The following LRRC4C variants were observed in gnomAD, a reference collection of about 807,000 sequenced individuals.
LRRC4C encodes leucine-rich repeat-containing protein 4C.
LRRC4C carries 5 observed loss-of-function variants against 33.6 expected under a neutral mutation model. That is an observed-to-expected ratio of 0.15 (90% CI 0.08 to 0.31). The LOEUF is 0.31. LRRC4C is among the 10% of genes least tolerant of loss of function. LRRC4C has a pLI of 1.00. For missense variants in LRRC4C, 560 were observed against 796.7 expected, an observed-to-expected ratio of 0.70 and a Z score of 3.58; for synonymous variants, 329 against 302.0, an observed-to-expected ratio of 1.09 and a Z score of -0.93.
chr11:41,147,342 A>G (rs1297623223), intron 1 of LRRC4C, among the ~76,000 whole-genome samples: 1 of 152,170 alleles, frequency 6.6e-6, no homozygotes, highest in Non-Finnish European at 1.5e-5. Flanking sequence ...AGTGCTTATC[A>G]CCTCGGTGAG....
intron 3 of LRRC4C, among the ~76,000 whole-genome samples, chr11:40,428,340 G>T (rs190107312): frequency 6.6e-6 from 1 of 152,254 alleles, no homozygotes; most frequent in Admixed American, 6.5e-5. Context: ...CTTTGCTAAA[G>T]ACTTGTTACA....
At chr11:40,823,631 C>A (rs1211933590) in intron 2 of LRRC4C, among the ~76,000 whole-genome samples, 2 of 151,596 alleles carry the variant, frequency 1.3e-5, no homozygotes, top group East Asian at 3.9e-4. Flanking sequence ...AAATGCAAAT[C>A]AAAAATACAA....
Position 41,457,133 on chromosome 11 carries a change from G to A in LRRC4C, c.-496+2298C>T, listed in dbSNP as rs371248141. ...TGTTGTTTTGTTTTGAGGTAGTATT[G>A]AGAATAATCTATGCAATTAATTTTT... is the stretch of plus-strand genomic sequence containing the variant. On this transcript the variant is annotated intron_variant, in intron 1 of 6. Transcript: ENST00000528697. Among the ~76,000 whole-genome samples the A allele has an allele frequency of 7.6e-4, 115 of 152,206 alleles. 4 individuals are homozygous for A. The South Asian group carries it at 0.022, about 29-fold the overall frequency.
At chr11:40,306,504 A>G (rs1945038724) in intron 4 of LRRC4C, among the ~76,000 whole-genome samples, 1 of 152,186 alleles carries the variant, frequency 6.6e-6, no homozygotes, top group South Asian at 2.1e-4. Context: ...ACATGGACAA[A>G]GTGTATGGCA....
At chr11:40,516,203 C>G (rs1955553852) in intron 3 of LRRC4C, among the ~76,000 whole-genome samples, 1 of 151,986 alleles carries the variant, frequency 6.6e-6, no homozygotes, top group African/African-American at 2.4e-5. Flanking sequence ...AAATGTTCTA[C>G]ATATTTTATT....
intron 4 of LRRC4C, among the ~76,000 whole-genome samples, chr11:40,267,173 T>C (rs1056850625): frequency 6.6e-6 from 1 of 152,106 alleles, no homozygotes; most frequent in African/African-American, 2.4e-5. Context: ...CGAAGAAATA[T>C]TTCAAACTTC....
intron 1 of LRRC4C, among the ~76,000 whole-genome samples, chr11:41,276,813 A>T (rs928312293): frequency 1.1e-4 from 17 of 152,152 alleles, no homozygotes; most frequent in Non-Finnish European, 8.8e-5. Context: ...AGATATGTAA[A>T]GCTACAAGCT....
At chr11:41,214,569 A>C (rs1946958138) in intron 1 of LRRC4C, among the ~76,000 whole-genome samples, 1 of 138,410 alleles carries the variant, frequency 7.2e-6, no homozygotes, top group Non-Finnish European at 1.5e-5. Flanking sequence ...GTCTCTACTA[A>C]AAATACAAAA....
chr11:40,225,619 C>CTTT (rs34973833), intron 5 of LRRC4C, among the ~76,000 whole-genome samples: 20 of 140,812 alleles, frequency 1.4e-4, no homozygotes, highest in South Asian at 2.3e-4. Context: ...CTCTCTCTCT[C>CTTT]TTTTTTTTTT....
intron 1 of LRRC4C, among the ~76,000 whole-genome samples, chr11:41,203,581 G>C (rs1946483619): frequency 6.6e-6 from 1 of 152,170 alleles, no homozygotes; most frequent in Non-Finnish European, 1.5e-5. Context: ...CTGCCATTGA[G>C]AGAGATTATA....
chr11:40,461,908 A>G (rs1481026623), intron 3 of LRRC4C, among the ~76,000 whole-genome samples: 2 of 151,822 alleles, frequency 1.3e-5, no homozygotes, highest in African/African-American at 4.8e-5. Flanking sequence ...TAAATTATAA[A>G]AAGTAAAGGA....
intron 2 of LRRC4C, among the ~76,000 whole-genome samples, chr11:40,859,160 G>C (rs960791314): frequency 2.6e-5 from 4 of 152,180 alleles, no homozygotes; most frequent in Admixed American, 2.6e-4. Flanking sequence ...TGGTGTATCA[G>C]TAATATAGAG....
intron 5 of LRRC4C, among the ~76,000 whole-genome samples, chr11:40,151,092 T>C (rs181315707): frequency 6.6e-6 from 1 of 152,278 alleles, no homozygotes; most frequent in Non-Finnish European, 1.5e-5. Flanking sequence ...TTTGAAAATA[T>C]TATCTTCTCT....
chr11:40,569,734 A>G (rs1208794250), intron 3 of LRRC4C, among the ~76,000 whole-genome samples: 1 of 152,148 alleles, frequency 6.6e-6, no homozygotes, highest in Non-Finnish European at 1.5e-5. Context: ...TATGAGTTCA[A>G]CATCTATACT....
intron 5 of LRRC4C, among the ~76,000 whole-genome samples, chr11:40,187,327 C>CT (rs984027757): frequency 0.044 from 6,187 of 140,102 alleles, 188 homozygotes; most frequent in African/African-American, 0.087. Context: ...AATTTTCTTT[C>CT]TTTTTTTTTT....
chr11:40,358,386 T>A (rs560532315), intron 3 of LRRC4C, among the ~76,000 whole-genome samples: 12 of 152,054 alleles, frequency 7.9e-5, no homozygotes, highest in Admixed American at 3.3e-4. Context: ...GCTTAAGCAA[T>A]CCTCTCACCT....
intron 2 of LRRC4C, among the ~76,000 whole-genome samples, chr11:40,656,179 C>G (rs1265592472): frequency 6.6e-6 from 1 of 151,872 alleles, no homozygotes; most frequent in Non-Finnish European, 1.5e-5. Context: ...ATCCTTATGA[C>G]TGCTAACTAT....
chr11:41,010,254 A>C (rs1166298323), intron 1 of LRRC4C, among the ~76,000 whole-genome samples: 1 of 152,186 alleles, frequency 6.6e-6, no homozygotes, highest in East Asian at 1.9e-4. Context: ...CACAATTCCA[A>C]TATCCAGTTG....
At chr11:40,730,395 G>C (rs947620583) in intron 2 of LRRC4C, among the ~76,000 whole-genome samples, 5 of 152,034 alleles carry the variant, frequency 3.3e-5, no homozygotes, top group African/African-American at 1.2e-4. Flanking sequence ...CATGCAAATG[G>C]ATCTTAATAT....
Sources: allele counts gnomAD v4.1 joint callset (sites outside exome capture counted in the v4.1 genomes callset), GRCh38; gene constraint gnomAD v4.1.1; transcripts MANE v1.5; gene names NCBI Gene and HGNC (gene_info 2026-07-23, HGNC 2026-07-21).